The following HAGH variants were observed in gnomAD, a reference collection of about 807,000 sequenced individuals.
HAGH encodes hydroxyacylglutathione hydrolase.
HAGH carries 29 observed loss-of-function variants against 35.1 expected under a neutral mutation model. That is an observed-to-expected ratio of 0.83 (90% CI 0.62 to 1.13). HAGH has a LOEUF of 1.13. Ranked by LOEUF, HAGH falls within the 50% of genes most tolerant of loss-of-function variation. The pLI is 0.00. For synonymous variants in HAGH, 225 were observed against 176.1 expected (o/e 1.28, Z -2.20); for missense variants, 478 against 419.6 (o/e 1.14, Z -1.22).
intron 3 of HAGH, chr16:1,821,944 G>GT (rs1430761594): frequency 1.6e-4 from 6 of 37,136 alleles, no homozygotes; most frequent in African/African-American, 4.2e-4. Context: ...GTTTTTTTTT[G>GT]TTTTTTTGTT....
intron 1 of HAGH, among the ~76,000 whole-genome samples, chr16:1,824,149 G>C (rs1389509078): frequency 2.0e-5 from 3 of 151,860 alleles, no homozygotes; most frequent in African/African-American, 4.8e-5. Context: ...TTGAATCCGG[G>C]AGGTGAAAGT....
In HAGH at chr16:1,807,862, C is replaced by G. The variant is rs981622538; in HGVS notation, c.*1421G>C. ...ATGCATGTGGTCTGAAGTGCAGTGC[C>G]AGCCTTCCTCTTCAATCCACAAGCC... On this transcript the variant is annotated 3_prime_UTR_variant, in exon 9 of 9. Coordinates refer to ENST00000397356, the MANE Select transcript of HAGH (RefSeq NM_005326.6). 1.3e-5 allele frequency: 2 copies of G among 152,176 alleles called. No individual in the cohort carries two copies. Among genetic ancestry groups the G allele is most frequent in the African/African-American group, 4.8e-5 (2 of 41,418 alleles). The allele number at this position is 152,176 out of a possible 1,614,324, so 9.4% of individuals were successfully genotyped here.
At chr16:1,811,176 G>A (rs1218150929) in intron 7 of HAGH, among the ~76,000 whole-genome samples, 3 of 152,222 alleles carry the variant, frequency 2.0e-5, no homozygotes, top group Admixed American at 1.3e-4. Flanking sequence ...CACTTTGGGA[G>A]GCCGAGGTGG....
In HAGH at chr16:1,816,921, G is replaced by T. The variant is rs986943117; in HGVS notation, c.719C>A (p.Ala240Asp). ...GGCCCAGGCCAGCTTCTCCCGGATG[G>T]CGGCATTGCCGGGCTCCACGTGGCG... ...FARHVEPGNA[A>D]IREKLAWAKE... The change falls in exon 7 of 9, where the codon GCC becomes GAC. Residue 240 changes from alanine to aspartate, a missense_variant. Ala to Asp is a moderately radical substitution (Grantham distance 126). Coordinates refer to ENST00000397356, the MANE Select transcript of HAGH (RefSeq NM_005326.6). 6.2e-6 allele frequency: 10 copies of T among 1,613,418 alleles called. No individual in the cohort carries two copies. The highest frequency in any genetic ancestry group is 8.5e-6 in the Non-Finnish European group (10 of 1,179,444).
At chr16:1,814,148 G>T (rs1897782042) in intron 7 of HAGH, among the ~76,000 whole-genome samples, 1 of 151,978 alleles carries the variant, frequency 6.6e-6, no homozygotes, top group African/African-American at 2.4e-5. Flanking sequence ...GGTATGCAAA[G>T]ATATCTTAGA....
chr16:1,826,717 C>A lies in HAGH; in HGVS notation c.71G>T (p.Gly24Val), dbSNP rs2142058703. Reference sequence around the variant, plus strand: ...CACCGCCCCGCCGCACCCACCGAGGCCTCGGCGGGCGCAGGCGGCTCCCAG... The same window carrying A: ...CACCGCCCCGCCGCACCCACCGAGGACTCGGCGGGCGCAGGCGGCTCCCAG... Reference protein sequence around the residue: ...AALGAACARRGLGPALLGVFC... With the variant: ...AALGAACARRVLGPALLGVFC... The change falls in exon 1 of 9, where the codon GGC becomes GTC. Residue 24 changes from glycine to valine, a missense_variant. Coordinates refer to ENST00000397356, the MANE Select transcript of HAGH (RefSeq NM_005326.6). 8.8e-7 allele frequency: 1 copy of A among 1,130,384 alleles called. No individual in the cohort carries two copies. The highest frequency in any genetic ancestry group is 1.1e-6 in the Non-Finnish European group (1 of 923,232). The allele number at this position is 1,130,384 out of a possible 1,614,324, so 70.0% of individuals were successfully genotyped here.
At chr16:1,822,132 G>A in intron 3 of HAGH, 168 bp downstream of exon 3, 1 of 610,602 alleles carries the variant, frequency 1.6e-6, no homozygotes, top group Non-Finnish European at 3.0e-6. Context: ...CACCAGACTT[G>A]CCCCTTGGGG....
At chr16:1,826,606 C>T in intron 1 of HAGH, 106 bp downstream of exon 1, 1 of 981,304 alleles carries the variant, frequency 1.0e-6, no homozygotes, top group Non-Finnish European at 1.2e-6. Context: ...TAGGCACCTG[C>T]GCAACAGACA....
At position 1,819,953 on chromosome 16, in the gene HAGH, C is replaced by A. The variant is rs1898075476; in HGVS notation, c.376G>T (p.Gly126Cys). ...KLESGLKVYG[G>C]DDRIGALTHK... ...GTCAGGGCCCCGATACGGTCGTCAC[C>A]CCCGTACACCTTCAGTCCCGACTCC... The change falls in exon 4 of 9, where the codon GGT becomes TGT. Residue 126 changes from glycine (G) to cysteine (C), a missense_variant. Coordinates refer to ENST00000397356, the MANE Select transcript of HAGH (RefSeq NM_005326.6). 6.2e-7 allele frequency: 1 copy of A among 1,613,384 alleles called. No homozygotes were observed. The highest frequency in any genetic ancestry group is 1.3e-5 in the African/African-American group (1 of 74,872).
At chr16:1,822,472 G>C (rs1178007275) in intron 2 of HAGH, 108 bp from the exon 3 acceptor site, 2 of 860,280 alleles carry the variant, frequency 2.3e-6, no homozygotes, top group East Asian at 4.9e-5. Flanking sequence ...ATGAGGGGCC[G>C]CTGACATGGC....
At chr16:1,825,589 A>T (rs1596946285) in intron 1 of HAGH, among the ~76,000 whole-genome samples, 1 of 152,126 alleles carries the variant, frequency 6.6e-6, no homozygotes, top group Non-Finnish European at 1.5e-5. Context: ...ACAAAAAAAA[A>T]TTGAGATATG....
Position 1,822,143 on chromosome 16 carries a change from G to A in HAGH, c.314+157C>T, listed in dbSNP as rs545121661. ...TGAGCACCAGACTTGCCCCTTGGGG[G>A]CTACGGTGAGTCCCGGGTCTTTCTC... On this transcript the variant is annotated intron_variant, in intron 3 of 8. Coordinates refer to ENST00000397356, the MANE Select transcript of HAGH (RefSeq NM_005326.6). The A allele has an allele frequency of 2.1e-4, 129 of 623,456 alleles. 1 individual carries two copies. The African/African-American group carries it at 2.2e-3, about 11-fold the overall frequency. 38.6% of individuals were successfully genotyped at this position (623,456 alleles called of 1,614,324 possible).
At chr16:1,810,070 T>C in intron 7 of HAGH, 1 of 549,396 alleles carries the variant, frequency 1.8e-6, no homozygotes, top group South Asian at 2.0e-5. Context: ...GGGGCTGAGG[T>C]GGGAGGATCG....
chr16:1,815,255 G>A (rs1756791272), intron 7 of HAGH, among the ~76,000 whole-genome samples: 1 of 152,174 alleles, frequency 6.6e-6, no homozygotes, highest in Non-Finnish European at 1.5e-5. Flanking sequence ...GTGGGGGACT[G>A]TAGAACAGTA....
At chr16:1,823,948 C>T (rs58222621) in intron 1 of HAGH, among the ~76,000 whole-genome samples, 2 of 151,998 alleles carry the variant, frequency 1.3e-5, no homozygotes, top group African/African-American at 4.8e-5. Flanking sequence ...ATTATTCACA[C>T]CCCGGACTCA....
At chr16:1,816,228 AGAT>A (rs1303822600) in intron 7 of HAGH, among the ~76,000 whole-genome samples, 1 of 151,520 alleles carries the variant, frequency 6.6e-6, no homozygotes, top group Non-Finnish European at 1.5e-5. Flanking sequence ...AAAAAAAAAA[AGAT>A]GAGTATTTAT....
chr16:1,822,801 A>C, intron 2 of HAGH, 64 bp downstream of exon 2: 1 of 1,412,326 alleles, frequency 7.1e-7, no homozygotes, highest in South Asian at 1.2e-5. Context: ...TAGGAAACCC[A>C]TCGGGGGTGA....
At chr16:1,823,934 C>A (rs1258800002) in intron 1 of HAGH, among the ~76,000 whole-genome samples, 2 of 152,020 alleles carry the variant, frequency 1.3e-5, no homozygotes, top group Admixed American at 1.3e-4. Flanking sequence ...ACTGCCAGTG[C>A]TGGATTATTC....
At chr16:1,809,627 G>A (rs1296911799) in intron 8 of HAGH, 127 bp downstream of exon 8, 1 of 766,700 alleles carries the variant, frequency 1.3e-6, no homozygotes, top group Non-Finnish European at 2.3e-6. Flanking sequence ...GGGCTCTGCG[G>A]CTGCACCTGT....
Sources: gnomAD v4.1 joint callset for allele counts (sites outside exome capture counted in the v4.1 genomes callset) on GRCh38, gnomAD v4.1.1 for gene constraint, MANE v1.5 for transcripts, NCBI Gene and HGNC (gene_info 2026-07-23, HGNC 2026-07-21) for gene names.